The following PDCD1 variants were observed in gnomAD, a reference collection of about 807,000 sequenced individuals.
PDCD1 encodes the protein programmed cell death protein 1.
In PDCD1, 10 loss-of-function variants were observed where a neutral mutation model predicts 23.6. The ratio of observed to expected loss-of-function variants is 0.42; its 90% CI spans 0.26 to 0.72. PDCD1 has a LOEUF of 0.72. Ranked by LOEUF, PDCD1 falls within the 30% of genes least tolerant of loss-of-function variation. The pLI, the probability that PDCD1 is intolerant of heterozygous loss-of-function variation, is 0.24. For missense variants in PDCD1, 313 were observed against 397.8 expected, an observed-to-expected ratio of 0.79 and a Z score of 1.81; for synonymous variants, 168 against 169.3, an observed-to-expected ratio of 0.99 and a Z score of 0.06.
chr2:241,855,308 C>T (rs1295542919), intron 1 of PDCD1, among the ~76,000 whole-genome samples: 5 of 151,996 alleles, frequency 3.3e-5, no homozygotes, highest in Non-Finnish European at 5.9e-5. Flanking sequence ...TGTGGGGGTG[C>T]TGGGTGGCGA....
At position 241,858,825 on chromosome 2, in the gene PDCD1, T is replaced by G. The variant is rs1189066887; in HGVS notation, c.14A>C (p.Gln5Pro). MQIPQAPWPVVWAVL... is the reference protein window; with the variant it reads MQIPPAPWPVVWAVL... Reference sequence around the variant, plus strand: ...CGCCCAGACGACTGGCCAGGGCGCCTGTGGGATCTGCATGCCTGGAGCAGC... The same window carrying G: ...CGCCCAGACGACTGGCCAGGGCGCCGGTGGGATCTGCATGCCTGGAGCAGC... The change falls in exon 1 of 5, where the codon CAG becomes CCG. Residue 5 changes from glutamine to proline, a missense_variant. Physicochemically the swap from Gln to Pro is moderately conservative, Grantham distance 76. Coordinates refer to ENST00000334409, the MANE Select transcript of PDCD1 (RefSeq NM_005018.3). 6.3e-7 allele frequency: 1 copy of G among 1,578,798 alleles called. No homozygotes were observed. The highest frequency in any genetic ancestry group is 8.6e-7 in the Non-Finnish European group (1 of 1,162,530).
At chr2:241,853,097 C>T in intron 1 of PDCD1, 117 bp from the exon 2 acceptor site, 1 of 1,257,816 alleles carries the variant, frequency 8.0e-7, no homozygotes, top group South Asian at 1.5e-5. Context: ...GCTGGAATGT[C>T]ATTGAGAAGT....
Position 241,852,921 on chromosome 2 carries a change from C to T in PDCD1, c.136G>A (p.Glu46Lys), listed in dbSNP as rs1429395114. The change falls in exon 2 of 5, where the codon GAA (glutamate) becomes AAA (lysine). Residue 46 changes from glutamate to lysine, a missense_variant. Coordinates refer to ENST00000334409, the MANE Select transcript of PDCD1 (RefSeq NM_005018.3). Reference protein sequence around the residue: ...TFSPALLVVTEGDNATFTCSF... With the variant: ...TFSPALLVVTKGDNATFTCSF... Reference sequence around the variant, plus strand: ...CAGGTGAAGGTGGCGTTGTCCCCTTCGGTCACCACGAGCAGGGCTGGGGAG... The same window carrying T: ...CAGGTGAAGGTGGCGTTGTCCCCTTTGGTCACCACGAGCAGGGCTGGGGAG... The T allele has an allele frequency of 6.3e-6, 10 of 1,591,032 alleles. No individual in the cohort carries two copies. Among genetic ancestry groups the T allele is most frequent in the African/African-American group, 5.4e-5 (4 of 74,718 alleles).
chr2:241,857,823 T>C (rs988917638), intron 1 of PDCD1, among the ~76,000 whole-genome samples: 3 of 152,194 alleles, frequency 2.0e-5, no homozygotes, highest in African/African-American at 4.8e-5. Context: ...CCCCTCATCT[T>C]GTCCTCCCAG....
At chr2:241,854,881 G>A (rs772090429) in intron 1 of PDCD1, among the ~76,000 whole-genome samples, 11 of 152,232 alleles carry the variant, frequency 7.2e-5, no homozygotes, top group Admixed American at 4.6e-4. Flanking sequence ...GCTGTAGGGC[G>A]AGGTGCTGGC....
At chr2:241,857,057 G>A (rs557026762) in intron 1 of PDCD1, among the ~76,000 whole-genome samples, 19 of 152,288 alleles carry the variant, frequency 1.2e-4, no homozygotes, top group East Asian at 7.7e-4. Context: ...TCCTGCCCTC[G>A]GACGGGGCCA....
In PDCD1 at chr2:241,850,723, GGCAGCA is replaced by G. The variant is rs56029561; in HGVS notation, c.*329_*334del. 21 of 579,226 alleles carry G rather than the reference GGCAGCA, an allele frequency of 3.6e-5. No homozygotes were observed. The highest frequency in any genetic ancestry group is 6.8e-5 in the Admixed American group (3 of 44,438). 35.9% of individuals were successfully genotyped at this position (579,226 alleles called of 1,614,324 possible). A position where few individuals can be genotyped will look rare whatever the true frequency, so the allele number is the denominator to read the frequency against. ...ACGGCGCCTTCAGCCCCGGGCCGCAGGCAGCAGCAGCAGCAGCAGCAGCAGCAGCAG... is the reference window on the plus strand; with the variant it reads ...ACGGCGCCTTCAGCCCCGGGCCGCAGGCAGCAGCAGCAGCAGCAGCAGCAG... On this transcript the variant is annotated 3_prime_UTR_variant, in exon 5 of 5. Transcript: ENST00000334409.
intron 1 of PDCD1, among the ~76,000 whole-genome samples, chr2:241,855,523 G>A (rs1057111054): frequency 5.3e-5 from 8 of 152,228 alleles, no homozygotes; most frequent in African/African-American, 1.2e-4. Flanking sequence ...ACGTAGGATC[G>A]TGGGTTGATG....
rs995848162 is a variant in PDCD1 at position 241,853,264 on chromosome 2, C to T, written c.77-284G>A. Among the ~76,000 whole-genome samples, 5 of 137,022 alleles carry T rather than the reference C, an allele frequency of 3.6e-5. No individual in the cohort carries two copies. The South Asian group carries it at 1.2e-3, about 34-fold the overall frequency. 89.9% of individuals were successfully genotyped at this position (137,022 alleles called of 152,430 possible). ...CCTTCACCCCCTTCCCCGTTGAGGC[C>T]AGTTCCCCCAGAAAGGGCTGTTTGG... On this transcript the variant is annotated intron_variant, in intron 1 of 4. Transcript: ENST00000334409.
rs1700885223 is a variant in PDCD1 at position 241,850,933 on chromosome 2, C to T, written c.*125G>A. The T allele has an allele frequency of 3.1e-6, 4 of 1,298,746 alleles. No individual in the cohort carries two copies. The highest frequency in any genetic ancestry group is 2.6e-5 in the Admixed American group (1 of 38,280). 80.5% of individuals were successfully genotyped at this position (1,298,746 alleles called of 1,614,324 possible). ...AGGTGCAGGCTGGAGCCCCGGTCGC[C>T]CCCAGGCAGCTCAGCCCCTGGACGG... On this transcript the variant is annotated 3_prime_UTR_variant, in exon 5 of 5. Transcript: ENST00000334409.
intron 1 of PDCD1, 75 bp from the exon 2 acceptor site, chr2:241,853,055 C>T (rs935797179): frequency 1.4e-4 from 208 of 1,487,966 alleles, no homozygotes; most frequent in Non-Finnish European, 1.6e-4. Flanking sequence ...TCACATCCCT[C>T]GGGCAGCAAG....
In PDCD1 at chr2:241,851,149, G is replaced by A. The variant is rs2124855996; in HGVS notation, c.776C>T (p.Thr259Ile). 1.1e-5 allele frequency: 18 copies of A among 1,613,494 alleles called. No homozygotes were observed. Among genetic ancestry groups the A allele is most frequent in the Non-Finnish European group, 1.4e-5 (17 of 1,179,968 alleles). ...TGAGCCCCTGCGGGCGGGGGATGAGGTGCCCATTCCGCTAGGAAAGACAAT... is the reference window on the plus strand; with the variant it reads ...TGAGCCCCTGCGGGCGGGGGATGAGATGCCCATTCCGCTAGGAAAGACAAT... The part of the protein sequence containing the change: ...ATIVFPSGMG[T>I]SSPARRGSAD... The change falls in exon 5 of 5, where the codon ACC becomes ATC. Residue 259 changes from threonine to isoleucine, a missense_variant. Physicochemically the swap from Thr to Ile is moderately conservative, Grantham distance 89. Coordinates refer to ENST00000334409, the MANE Select transcript of PDCD1 (RefSeq NM_005018.3).
rs1701031430 is a variant in PDCD1, at chr2:241,856,488, GTCC to G, written c.76+2272_76+2274del. On this transcript the variant is annotated intron_variant, in intron 1 of 4. Coordinates refer to ENST00000334409, the MANE Select transcript of PDCD1 (RefSeq NM_005018.3). ...ACGTTTTTGTATATTTTTCAAAATA[GTCC>G]GTTTAAAATCTGACTTCAAAAGTTT... Among the ~76,000 whole-genome samples, 3 of 152,336 alleles carry G rather than the reference GTCC, an allele frequency of 2.0e-5. No individual in the cohort carries two copies. In the South Asian group the frequency reaches 6.2e-4, roughly 32 times the overall value.
rs913397191 is a variant in PDCD1 at position 241,856,153 on chromosome 2, C to T, written c.76+2610G>A. On this transcript the variant is annotated intron_variant, in intron 1 of 4. Coordinates refer to ENST00000334409, the MANE Select transcript of PDCD1 (RefSeq NM_005018.3). ...CAGGAGAAGCTGAGCAGAGCCCTCTCGGAGCACAGGGAGCCGACCCTGTGG... is the reference window on the plus strand; with the variant it reads ...CAGGAGAAGCTGAGCAGAGCCCTCTTGGAGCACAGGGAGCCGACCCTGTGG... Among the ~76,000 whole-genome samples the T allele has an allele frequency of 9.2e-5, 14 of 152,162 alleles. 1 individual carries two copies. Among genetic ancestry groups the T allele is most frequent in the South Asian group, 2.1e-4 (1 of 4,824 alleles).
At chr2:241,855,795 A>G (rs2124867274) in intron 1 of PDCD1, among the ~76,000 whole-genome samples, 1 of 152,306 alleles carries the variant, frequency 6.6e-6, no homozygotes, top group East Asian at 1.9e-4. Flanking sequence ...GAGGACAGCG[A>G]GCTTGTCCCT....
At chr2:241,853,982 G>C (rs1277912595) in intron 1 of PDCD1, among the ~76,000 whole-genome samples, 1 of 152,274 alleles carries the variant, frequency 6.6e-6, no homozygotes. Context: ...TCCTGGGACA[G>C]GCGGCCTCCG....
In PDCD1 at chr2:241,851,402, C is replaced by T; in HGVS notation, c.628-105G>A. The T allele has an allele frequency of 9.1e-6, 11 of 1,208,214 alleles. 1 individual carries two copies. The highest frequency in any genetic ancestry group is 1.5e-5 in the African/African-American group (1 of 65,824). The allele number at this position is 1,208,214 out of a possible 1,614,324, so 74.8% of individuals were successfully genotyped here. A position where few individuals can be genotyped will look rare whatever the true frequency, so the allele number is the denominator to read the frequency against. On this transcript the variant is annotated intron_variant, in intron 4 of 4. Transcript: ENST00000334409. ...GTACCGGCACCGAACCTGGGCCCCC[C>T]ACTATGAGCTGCTTACCCTGAGCTG...
chr2:241,858,588 AC>A (rs1254140511), intron 1 of PDCD1, among the ~76,000 whole-genome samples, 174 bp downstream of exon 1: 3 of 151,680 alleles, frequency 2.0e-5, no homozygotes, highest in African/African-American at 7.3e-5. Context: ...CTGCCACAGC[AC>A]CCCCCGACCT....
chr2:241,853,636 G>A (rs2124863317), intron 1 of PDCD1, among the ~76,000 whole-genome samples: 1 of 152,376 alleles, frequency 6.6e-6, no homozygotes, highest in East Asian at 1.9e-4. Context: ...CGGGGCCCCC[G>A]ACCCTGGGCT....
Sources: allele counts gnomAD v4.1 joint callset (sites outside exome capture counted in the v4.1 genomes callset), GRCh38; gene constraint gnomAD v4.1.1; transcripts MANE v1.5; gene names NCBI Gene and HGNC (gene_info 2026-07-23, HGNC 2026-07-21).